FSTL4: variants seen among roughly 807,000 people sequenced by gnomAD.
FSTL4 encodes the protein follistatin-related protein 4.
A neutral mutation model predicts 78.2 loss-of-function variants in FSTL4; 28 were observed. That is an observed-to-expected ratio of 0.36 (90% CI 0.27 to 0.49). FSTL4 has a LOEUF of 0.49. FSTL4 is among the 20% of genes least tolerant of loss of function. The probability of loss-of-function intolerance (pLI) is 0.98; values close to 1 mark genes in which losing one functional copy is unlikely to be tolerated. For synonymous variants in FSTL4, 422 were observed against 440.5 expected, an observed-to-expected ratio of 0.96 and a Z score of 0.53; for missense variants, 922 against 1,084.9, an observed-to-expected ratio of 0.85 and a Z score of 2.11.
intron 4 of FSTL4, among the ~76,000 whole-genome samples, chr5:133,374,061 A>G (rs574322813): frequency 6.6e-6 from 1 of 152,310 alleles, no homozygotes; most frequent in East Asian, 1.9e-4. Flanking sequence ...TGAGCCCCAC[A>G]TTAATCTAGC....
rs186866059 is a variant in FSTL4, at chr5:133,238,634, C to T, written c.895-5097G>A. 3.3e-5 allele frequency among the ~76,000 whole-genome samples: 5 copies of T among 152,310 alleles called. No homozygotes were observed. In the East Asian group the frequency reaches 7.7e-4, roughly 23 times the overall value. ...TCCACATGGACACATGCAGTACATG[C>T]GAGTGTGCACACATGGGGGAGGGAG... On this transcript the variant is annotated intron_variant, in intron 7 of 15. Transcript: ENST00000265342.
At chr5:133,424,265 C>T (rs1282892774) in intron 3 of FSTL4, among the ~76,000 whole-genome samples, 2 of 152,196 alleles carry the variant, frequency 1.3e-5, no homozygotes, top group African/African-American at 2.4e-5. Flanking sequence ...ACCACCCAGA[C>T]CCGTGAACAG....
the FSTL4 span, among the ~76,000 whole-genome samples, chr5:133,740,665 C>T: frequency 2.6e-5 from 4 of 152,162 alleles, no homozygotes; most frequent in Admixed American, 2.0e-4. Context: ...AAGAACACTC[C>T]CTCTCCTGCA....
At chr5:133,518,300 G>T (rs963220866) in intron 3 of FSTL4, among the ~76,000 whole-genome samples, 1 of 151,920 alleles carries the variant, frequency 6.6e-6, no homozygotes, top group South Asian at 2.1e-4. Flanking sequence ...TCAATAATAA[G>T]AAGAAATACA....
intron 3 of FSTL4, among the ~76,000 whole-genome samples, chr5:133,557,587 TC>T (rs1364488898): frequency 6.6e-6 from 1 of 152,128 alleles, no homozygotes; most frequent in East Asian, 1.9e-4. Context: ...GTCTGTCCAA[TC>T]CCAGTGAGCT....
the FSTL4 span, among the ~76,000 whole-genome samples, chr5:133,752,815 C>T: frequency 6.6e-6 from 1 of 152,106 alleles, no homozygotes; most frequent in Non-Finnish European, 1.5e-5. Context: ...CAGAATCTCA[C>T]ACAGAGAAAA....
At chr5:133,410,277 C>T (rs563172526) in intron 3 of FSTL4, among the ~76,000 whole-genome samples, 2 of 152,348 alleles carry the variant, frequency 1.3e-5, no homozygotes, top group South Asian at 4.1e-4. Context: ...CTTCAGCTCG[C>T]ATCTGTCTTA....
intron 7 of FSTL4, among the ~76,000 whole-genome samples, chr5:133,242,078 A>T (rs1162369565): frequency 1.3e-5 from 2 of 152,232 alleles, no homozygotes; most frequent in Non-Finnish European, 2.9e-5. Flanking sequence ...CTGAAAATGC[A>T]TCACTTCCGA....
chr5:133,491,153 T>G (rs557568791), intron 3 of FSTL4, among the ~76,000 whole-genome samples: 2 of 152,364 alleles, frequency 1.3e-5, no homozygotes, highest in South Asian at 4.1e-4. Context: ...TTTTGTTTGC[T>G]TGACATCATT....
chr5:133,249,522 G>A lies in FSTL4; in HGVS notation c.782C>T (p.Thr261Ile), dbSNP rs1439722764. The A allele has an allele frequency of 1.9e-6, 3 of 1,613,688 alleles. No individual in the cohort carries two copies. The highest frequency in any genetic ancestry group is 2.2e-5 in the East Asian group (1 of 44,880). ...GGTCAGCACTGTGCTCAGCCCCACG[G>A]TCACTGTGGTCACACTGACCCTGTC... ...PEDRVSVTTV[T>I]VGLSTVLTCA... The change falls in exon 7 of 16, where the codon ACC becomes ATC. Residue 261 changes from threonine to isoleucine, a missense_variant. Physicochemically the swap from Thr to Ile is moderately conservative, Grantham distance 89. Coordinates refer to ENST00000265342, the MANE Select transcript of FSTL4 (RefSeq NM_015082.2).
At chr5:133,380,037 C>G (rs1216637968) in intron 4 of FSTL4, among the ~76,000 whole-genome samples, 7 of 151,084 alleles carry the variant, frequency 4.6e-5, no homozygotes, top group Non-Finnish European at 1.0e-4. Flanking sequence ...GCACTCCAGC[C>G]TGGTGACAGA....
At chr5:133,339,587 T>TA (rs1754541116) in intron 4 of FSTL4, among the ~76,000 whole-genome samples, 1 of 152,128 alleles carries the variant, frequency 6.6e-6, no homozygotes, top group Non-Finnish European at 1.5e-5. Flanking sequence ...AACAAACATG[T>TA]GCCAGATAAA....
At chr5:133,492,276 AGTC>A (rs1758280996) in intron 3 of FSTL4, among the ~76,000 whole-genome samples, 2 of 152,174 alleles carry the variant, frequency 1.3e-5, no homozygotes, top group African/African-American at 4.8e-5. Flanking sequence ...GCTTTTCTTC[AGTC>A]AACACTTACT....
chr5:133,341,578 T>C (rs561297443), intron 4 of FSTL4, among the ~76,000 whole-genome samples: 1 of 152,206 alleles, frequency 6.6e-6, no homozygotes, highest in South Asian at 2.1e-4. Flanking sequence ...CTCTGTCTGG[T>C]GCTCTTTTGC....
the FSTL4 span, among the ~76,000 whole-genome samples, chr5:133,647,850 G>A: frequency 6.6e-5 from 10 of 152,292 alleles, no homozygotes; most frequent in Admixed American, 6.5e-4. Flanking sequence ...GTTTGGCTGT[G>A]TCCCCATCCA....
At chr5:133,531,041 C>T (rs553029366) in intron 3 of FSTL4, among the ~76,000 whole-genome samples, 1 of 152,176 alleles carries the variant, frequency 6.6e-6, no homozygotes, top group Non-Finnish European at 1.5e-5. Context: ...TGAGGCTCGG[C>T]CCTGGATAGG....
chr5:133,235,499 CAAAAA>C (rs71581361), intron 7 of FSTL4, among the ~76,000 whole-genome samples: 4 of 97,546 alleles, frequency 4.1e-5, no homozygotes, highest in Admixed American at 1.1e-4. Context: ...ACCCCACCTC[CAAAAA>C]AAAAAAAAAA....
the FSTL4 span, among the ~76,000 whole-genome samples, chr5:133,833,019 A>G: frequency 6.6e-6 from 1 of 152,234 alleles, no homozygotes; most frequent in African/African-American, 2.4e-5. Flanking sequence ...ATGCACAAAA[A>G]AATGTGAAAG....
At chr5:133,269,539 C>G (rs1246456185) in intron 6 of FSTL4, among the ~76,000 whole-genome samples, 3 of 152,220 alleles carry the variant, frequency 2.0e-5, no homozygotes, top group Admixed American at 1.3e-4. Flanking sequence ...GTCTCAGGGT[C>G]TAACGATGGC....
Sources: allele counts gnomAD v4.1 joint callset (sites outside exome capture counted in the v4.1 genomes callset), GRCh38; gene constraint gnomAD v4.1.1; transcripts MANE v1.5; gene names NCBI Gene and HGNC (gene_info 2026-07-23, HGNC 2026-07-21).